Variants in SAMTOR observed in about 807,000 individuals in gnomAD.
SAMTOR encodes S-adenosylmethionine sensor upstream of mTORC1.
At chr7:112,907,044 A>G in the SAMTOR span, among the ~76,000 whole-genome samples, 1 of 152,216 alleles carries the variant, frequency 6.6e-6, no homozygotes, top group Non-Finnish European at 1.5e-5. Context: ...GAAAACCCTG[A>G]AAAAGAATAG....
At chr7:112,888,107 A>G in the SAMTOR span, among the ~76,000 whole-genome samples, 1 of 152,140 alleles carries the variant, frequency 6.6e-6, no homozygotes, top group South Asian at 2.1e-4. Flanking sequence ...AACATACTAC[A>G]AATTTGATGA....
the SAMTOR span, among the ~76,000 whole-genome samples, chr7:112,902,904 A>G: frequency 6.6e-6 from 1 of 152,252 alleles, no homozygotes; most frequent in Non-Finnish European, 1.5e-5. Flanking sequence ...ACTGAGAGGG[A>G]CACAACATCA....
chr7:112,829,816 A>C, the SAMTOR span, among the ~76,000 whole-genome samples: 1 of 152,152 alleles, frequency 6.6e-6, no homozygotes, highest in Non-Finnish European at 1.5e-5. Flanking sequence ...ATGTCTGTGA[A>C]TCTTGAATGC....
chr7:112,913,795 C>T, the SAMTOR span, among the ~76,000 whole-genome samples: 1 of 152,136 alleles, frequency 6.6e-6, no homozygotes, highest in Non-Finnish European at 1.5e-5. Context: ...GGCTTACTGT[C>T]TCATTTCCTT....
the SAMTOR span, among the ~76,000 whole-genome samples, chr7:112,909,844 T>C: frequency 3.3e-5 from 5 of 150,988 alleles, no homozygotes; most frequent in Admixed American, 2.6e-4. Flanking sequence ...ATTAGGAATT[T>C]GATTGAATAT....
At chr7:112,837,953 G>GT in the SAMTOR span, among the ~76,000 whole-genome samples, 1 of 151,980 alleles carries the variant, frequency 6.6e-6, no homozygotes, top group African/African-American at 2.4e-5. Flanking sequence ...CATAACACAT[G>GT]TATTTTTCTT....
the SAMTOR span, among the ~76,000 whole-genome samples, chr7:112,871,899 G>T: frequency 6.6e-6 from 1 of 152,172 alleles, no homozygotes. Context: ...AGAAATTCTA[G>T]AGGAAATTCC....
At chr7:112,823,844 A>G in the SAMTOR span, among the ~76,000 whole-genome samples, 8 of 152,286 alleles carry the variant, frequency 5.3e-5, no homozygotes, top group East Asian at 1.5e-3. Flanking sequence ...TAGCTAGTCT[A>G]TTTCATTTTA....
chr7:112,872,908 G>T, the SAMTOR span, among the ~76,000 whole-genome samples: 1 of 151,770 alleles, frequency 6.6e-6, no homozygotes, highest in Non-Finnish European at 1.5e-5. Flanking sequence ...AATCAAGAAT[G>T]CAGTCCCCTT....
the SAMTOR span, chr7:112,821,847 A>C: frequency 1.2e-6 from 2 of 1,613,702 alleles, no homozygotes; most frequent in Middle Eastern, 3.3e-4. Flanking sequence ...GAGTTCTGTG[A>C]AACCATATGC....
the SAMTOR span, among the ~76,000 whole-genome samples, chr7:112,839,780 T>C: frequency 3.3e-5 from 5 of 152,006 alleles, no homozygotes; most frequent in Admixed American, 1.3e-4. Flanking sequence ...TTTCATTATT[T>C]ATTCAATATT....
the SAMTOR span, among the ~76,000 whole-genome samples, chr7:112,885,970 G>A: frequency 6.6e-6 from 1 of 152,154 alleles, no homozygotes; most frequent in Non-Finnish European, 1.5e-5. Context: ...AGCATGGCTG[G>A]GAAAGCCTCA....
chr7:112,907,685 C>G, the SAMTOR span, among the ~76,000 whole-genome samples: 5 of 151,264 alleles, frequency 3.3e-5, 1 homozygote, highest in Admixed American at 1.3e-4. Context: ...AGGCAAATGA[C>G]TCCTAAATAT....
the SAMTOR span, among the ~76,000 whole-genome samples, chr7:112,912,305 A>T: frequency 6.6e-6 from 1 of 151,996 alleles, no homozygotes; most frequent in Non-Finnish European, 1.5e-5. Context: ...AAAAAGGCAA[A>T]TTCCTTTATT....
the SAMTOR span, among the ~76,000 whole-genome samples, chr7:112,904,092 A>G: frequency 1.3e-5 from 2 of 152,190 alleles, no homozygotes; most frequent in Non-Finnish European, 2.9e-5. Flanking sequence ...AAGAAATTCC[A>G]TGAGATGTAT....
the SAMTOR span, among the ~76,000 whole-genome samples, chr7:112,869,565 T>A: frequency 3.1e-3 from 448 of 143,144 alleles, no homozygotes; most frequent in Non-Finnish European, 5.5e-3. Flanking sequence ...GCATAAAAAT[T>A]AAAAAAAAAA....
At chr7:112,939,524 GAAGAGGTGAC>G in the SAMTOR span, 1 of 1,609,310 alleles carries the variant, frequency 6.2e-7, no homozygotes, top group African/African-American at 1.3e-5. Context: ...TTGGAGGAGG[GAAGAGGTGAC>G]AAGCGGTTGG....
At chr7:112,925,331 T>C in the SAMTOR span, among the ~76,000 whole-genome samples, 1 of 152,226 alleles carries the variant, frequency 6.6e-6, no homozygotes, top group African/African-American at 2.4e-5. Context: ...ACTTTTAAGT[T>C]TCACTGCCCT....
At chr7:112,915,100 C>T in the SAMTOR span, among the ~76,000 whole-genome samples, 3 of 151,876 alleles carry the variant, frequency 2.0e-5, no homozygotes, top group African/African-American at 4.8e-5. Flanking sequence ...TAGCTGGGCA[C>T]AGTGGTGGGT....
Sources: allele counts gnomAD v4.1 joint callset (sites outside exome capture counted in the v4.1 genomes callset), GRCh38; gene constraint gnomAD v4.1.1; transcripts MANE v1.5; gene names NCBI Gene and HGNC (gene_info 2026-07-23, HGNC 2026-07-21).